Variants in PPL observed in about 807,000 individuals in gnomAD.
PPL encodes the protein 190 kDa paraneoplastic pemphigus antigen.
A neutral mutation model predicts 194.4 loss-of-function variants in PPL; 198 were observed. The ratio of observed to expected loss-of-function variants is 1.02; its 90% CI spans 0.91 to 1.15. The LOEUF (loss-of-function observed/expected upper bound fraction) is 1.15. Ranked by LOEUF, PPL falls within the 50% of genes most tolerant of loss-of-function variation. The pLI is 0.00. For missense variants in PPL, 2,885 were observed against 2,294.8 expected, an observed-to-expected ratio of 1.26 and a Z score of -5.25; for synonymous variants, 1,220 against 972.4, an observed-to-expected ratio of 1.25 and a Z score of -4.74.
intron 1 of PPL, among the ~76,000 whole-genome samples, chr16:4,931,471 G>A (rs1203141913): frequency 1.3e-5 from 2 of 152,300 alleles, no homozygotes; most frequent in East Asian, 3.9e-4. Flanking sequence ...GGGGCACCAG[G>A]TGGCCTCCCG....
In PPL at chr16:4,885,501, C is replaced by T. The variant is rs779067610; in HGVS notation, c.3154G>A (p.Val1052Ile). Reference protein sequence around the residue: ...AEEKSRAQEKVTEKEVVKLQN... With the variant: ...AEEKSRAQEKITEKEVVKLQN... ...AGTTTCACCACCTCTTTCTCTGTGA[C>T]CTTCTCCTGCGCCCGGCTCTTCTCT... Residue 1052 changes from valine to isoleucine, a missense_variant, in exon 22 of 22, where the codon GTC becomes ATC. Physicochemically the swap from Val to Ile is conservative, Grantham distance 29. Coordinates refer to ENST00000345988, the MANE Select transcript of PPL (RefSeq NM_002705.5). The surrounding 1 kb of genome is among the most constrained non-coding windows in gnomAD (Gnocchi z 6.3). The T allele has an allele frequency of 3.1e-6, 5 of 1,611,706 alleles. No individual in the cohort carries two copies. In the African/African-American group the frequency reaches 4.0e-5, roughly 13 times the overall value.
chr16:4,925,278 G>A (rs4786563), intron 1 of PPL, among the ~76,000 whole-genome samples: 112,591 of 152,054 alleles, frequency 0.74, 43,835 homozygotes, highest in Middle Eastern at 0.86. Context: ...GTGCCGAGTA[G>A]CCCTCTGCCC....
Position 4,883,653 on chromosome 16 carries a change from C to G in PPL, c.5002G>C (p.Glu1668Gln). The G allele has an allele frequency of 1.2e-6, 2 of 1,614,168 alleles. No individual in the cohort carries two copies. The highest frequency in any genetic ancestry group is 2.2e-5 in the South Asian group (2 of 91,084). The change falls in exon 22 of 22, where the codon GAG becomes CAG. Residue 1668 changes from glutamate (E) to glutamine (Q), a missense_variant. Glu to Gln is a conservative substitution (Grantham distance 29, BLOSUM62 2). Transcript: ENST00000345988. This position sits in a 1 kb window ranked among gnomAD's most constrained non-coding sequence, Gnocchi z 4.8. ...IVVIHPDTGR[E>Q]LSPEEAHRAG... ...CGGTGGGCTTCCTCCGGGGACAGCT[C>G]GCGGCCTGTGTCAGGGTGGATGACT... is the stretch of plus-strand genomic sequence containing the variant.
Position 4,910,937 on chromosome 16 carries a change from C to T in PPL, c.75G>A (p.Lys25=). 6.2e-7 allele frequency: 1 copy of T among 1,612,748 alleles called. No individual in the cohort carries two copies. Among genetic ancestry groups the T allele is most frequent in the Non-Finnish European group, 8.5e-7 (1 of 1,179,932 alleles). The change falls in exon 2 of 22, where the codon AAG becomes AAA. Residue 25 remains lysine, a synonymous_variant. Coordinates refer to ENST00000345988, the MANE Select transcript of PPL (RefSeq NM_002705.5). ...PTVQTRSISN[K]ELSELIEQLQ... ...GCTGCTCGATCAGCTCCGAGAGCTC[C>T]TTGTTAGAGATGCTGCGGGCAGAAG...
chr16:4,925,066 G>C (rs2089130929), intron 1 of PPL, among the ~76,000 whole-genome samples: 1 of 152,204 alleles, frequency 6.6e-6, no homozygotes, highest in Admixed American at 6.5e-5. Context: ...TTCCTCTGGG[G>C]GTTAATTCTG....
chr16:4,914,557 G>C (rs1473323359), intron 1 of PPL, among the ~76,000 whole-genome samples: 1 of 152,174 alleles, frequency 6.6e-6, no homozygotes, highest in Admixed American at 6.5e-5. Context: ...GAGGGAACAG[G>C]ACCCAAGCCA....
At chr16:4,908,834 C>G (rs577090799) in intron 2 of PPL, among the ~76,000 whole-genome samples, 1 of 152,372 alleles carries the variant, frequency 6.6e-6, no homozygotes, top group South Asian at 2.1e-4. Flanking sequence ...AGCCACCGCA[C>G]CCGGCTCATG....
Position 4,892,157 on chromosome 16 carries a change from C to T in PPL, c.1707G>A (p.Glu569=), listed in dbSNP as rs200267681. ...GGAGGGCCTGGATGAAGGCTTCGCC[C>T]TCAGCCGTGCTCCGCGTCTTCTCAG... ...IEPEKTRSTA[E]GEAFIQALPG... is the part of the protein sequence containing the mutation. The change falls in exon 15 of 22, where the codon GAG becomes GAA. Residue 569 remains glutamate, a synonymous_variant. Transcript: ENST00000345988. The T allele has an allele frequency of 5.6e-6, 9 of 1,613,820 alleles. No individual in the cohort carries two copies. The highest frequency in any genetic ancestry group is 7.6e-6 in the Non-Finnish European group (9 of 1,180,010).
chr16:4,893,073 T>C, intron 14 of PPL, 140 bp downstream of exon 14: 1 of 1,167,282 alleles, frequency 8.6e-7, no homozygotes, highest in Non-Finnish European at 1.2e-6. Flanking sequence ...TTGGGACCCT[T>C]TTACATGCAG....
At chr16:4,886,094 A>C (rs117094803) in intron 21 of PPL, 47 bp from the exon 22 acceptor site, 53,507 of 1,611,276 alleles carry the variant, frequency 0.033, 1,065 homozygotes, top group Non-Finnish European at 0.038. Context: ...CTCTGGCAGC[A>C]CATGTAGGGC....
chr16:4,894,638 C>T lies in PPL; in HGVS notation c.1243-20G>A. The T allele has an allele frequency of 1.2e-6, 2 of 1,608,892 alleles. No homozygotes were observed. The highest frequency in any genetic ancestry group is 1.3e-5 in the African/African-American group (1 of 75,012). On this transcript the variant is annotated intron_variant, in intron 11 of 21. Transcript: ENST00000345988. ...CAGGCCCTGGCGGGGGCAGGCTGGACAGTCAGGATCCCGGCAGGGCCTGAG... is the reference window on the plus strand; with the variant it reads ...CAGGCCCTGGCGGGGGCAGGCTGGATAGTCAGGATCCCGGCAGGGCCTGAG...
rs772544495 is a variant in PPL at position 4,900,993 on chromosome 16, C to T, written c.535G>A (p.Gly179Arg). The stretch of plus-strand genomic sequence containing the variant: ...TCCCCGTCCTTGGCCAGGTGGGGCC[C>T]GATGGCCTTGACCTCATTGTGGAAG... ...NIFHNEVKAIGPHLAKDGDKE... is the reference protein window; with the variant it reads ...NIFHNEVKAIRPHLAKDGDKE... Residue 179 changes from glycine to arginine, a missense_variant, in exon 5 of 22, where the codon GGG becomes AGG. Transcript: ENST00000345988. The T allele has an allele frequency of 1.7e-5, 28 of 1,614,020 alleles. No individual in the cohort carries two copies. The Admixed American group carries it at 2.2e-4, about 12-fold the overall frequency.
rs146274436 is a variant in PPL, at chr16:4,906,922, A to G, written c.163-2882T>C. Reference sequence around the variant, plus strand: ...ATGTAGACACTTCTCTAGAGTTTATATAAGTTATACCTTGATAAAAAAGTT... The same window carrying G: ...ATGTAGACACTTCTCTAGAGTTTATGTAAGTTATACCTTGATAAAAAAGTT... On this transcript the variant is annotated intron_variant, in intron 2 of 21. Coordinates refer to ENST00000345988, the MANE Select transcript of PPL (RefSeq NM_002705.5). 6.6e-5 allele frequency among the ~76,000 whole-genome samples: 10 copies of G among 152,264 alleles called. No homozygotes were observed. The East Asian group carries it at 1.5e-3, about 24-fold the overall frequency.
intron 1 of PPL, among the ~76,000 whole-genome samples, chr16:4,923,199 C>T (rs1406348416): frequency 6.6e-6 from 1 of 152,210 alleles, no homozygotes; most frequent in Non-Finnish European, 1.5e-5. Context: ...CCTGCTTCTC[C>T]CTCCACTGGT....
intron 21 of PPL, 76 bp downstream of exon 21, chr16:4,887,059 A>G: frequency 1.6e-6 from 2 of 1,257,116 alleles, no homozygotes; most frequent in Non-Finnish European, 2.3e-6. Flanking sequence ...TTCACAAACC[A>G]TTTCTCTAAG....
rs192843088 is a variant in PPL at position 4,896,485 on chromosome 16, G to A, written c.973-769C>T. Among the ~76,000 whole-genome samples the A allele has an allele frequency of 4.5e-4, 69 of 152,138 alleles. 1 individual carries two copies. The highest frequency in any genetic ancestry group is 9.0e-4 in the Non-Finnish European group (61 of 68,004). On this transcript the variant is annotated intron_variant, in intron 9 of 21. Transcript: ENST00000345988. ...CAGTGAGAGAAGCCAGACACAAAAGGGCAGAGATTGCATGATCCCACTGAT... is the reference window on the plus strand; with the variant it reads ...CAGTGAGAGAAGCCAGACACAAAAGAGCAGAGATTGCATGATCCCACTGAT...
chr16:4,896,921 T>A (rs1460569196), intron 9 of PPL, among the ~76,000 whole-genome samples: 2 of 151,948 alleles, frequency 1.3e-5, no homozygotes, highest in African/African-American at 4.8e-5. Flanking sequence ...AGACATGAGC[T>A]ACCGTGCCCA....
At chr16:4,926,735 C>T (rs1235286755) in intron 1 of PPL, among the ~76,000 whole-genome samples, 3 of 151,868 alleles carry the variant, frequency 2.0e-5, no homozygotes, top group East Asian at 1.9e-4. Context: ...CAAAAATAGC[C>T]GGGCGTGGTG....
intron 1 of PPL, among the ~76,000 whole-genome samples, chr16:4,915,363 G>C (rs1338089287): frequency 6.6e-6 from 1 of 152,238 alleles, no homozygotes; most frequent in Non-Finnish European, 1.5e-5. Context: ...CCCTCGTACA[G>C]CCTCCGCTTC....
Sources: gnomAD v4.1 joint callset for allele counts (sites outside exome capture counted in the v4.1 genomes callset) on GRCh38, gnomAD v4.1.1 for gene constraint, Gnocchi (gnomAD v3.1) non-coding constraint, MANE v1.5 for transcripts, NCBI Gene and HGNC (gene_info 2026-07-23, HGNC 2026-07-21) for gene names.